Variants in CLSTN3 observed in about 807,000 individuals in gnomAD.
The protein encoded by CLSTN3 is calsyntenin 3.
Under a neutral mutation model 95.9 loss-of-function variants are expected in CLSTN3, and 36 were observed. That is an observed-to-expected ratio of 0.38 (90% confidence interval 0.29 to 0.50). The LOEUF (loss-of-function observed/expected upper bound fraction) is 0.50, where lower values mean the gene tolerates loss of function less well. CLSTN3 is among the 20% of genes least tolerant of loss of function. The pLI is 0.95. For missense variants in CLSTN3, 1,084 were observed against 1,268.8 expected (o/e 0.85, Z 2.21); for synonymous variants, 481 against 504.0 (o/e 0.95, Z 0.61).
At position 7,158,494 on chromosome 12, in the gene CLSTN3, T is replaced by A. The variant is rs1301832082; in HGVS notation, c.*413T>A. 6.3e-6 allele frequency: 1 copy of A among 159,462 alleles called. No homozygotes were observed. Among genetic ancestry groups the A allele is most frequent in the Non-Finnish European group, 1.4e-5 (1 of 72,772 alleles). The allele number at this position is 159,462 out of a possible 1,614,324, so 9.9% of individuals were successfully genotyped here. ...CCCCTTCCCTTCTCTCTCCTGTCCA[T>A]GGGAAGCTTTTCCCCCTCTGCAGGG... On this transcript the variant is annotated 3_prime_UTR_variant, in exon 18 of 18. Coordinates refer to ENST00000266546, the MANE Select transcript of CLSTN3 (RefSeq NM_014718.4).
chr12:7,148,897 G>A, intron 12 of CLSTN3, 75 bp from the exon 13 acceptor site: 2 of 1,237,738 alleles, frequency 1.6e-6, no homozygotes, highest in South Asian at 1.3e-5. Context: ...GCTGGGGCGG[G>A]GAGTGAAACA....
chr12:7,149,114 G>A lies in CLSTN3; in HGVS notation c.1990G>A (p.Val664Ile), dbSNP rs200290008. ...PAVDFEGTNG[V>I]PLFPDLQITC... ...TGTGGACTTTGAGGGAACCAACGGC[G>A]TCCCTTTGTTCCCTGATCTTCAAAT... The change falls in exon 13 of 18, where the codon GTC (valine) becomes ATC (isoleucine). Residue 664 changes from valine to isoleucine, a missense_variant. Coordinates refer to ENST00000266546, the MANE Select transcript of CLSTN3 (RefSeq NM_014718.4). The surrounding 1 kb of genome is among the most constrained non-coding windows in gnomAD (Gnocchi z 4.5). 75 of 1,614,190 alleles carry A rather than the reference G, an allele frequency of 4.6e-5. No homozygotes were observed. Among genetic ancestry groups the A allele is most frequent in the Middle Eastern group, 3.3e-4 (2 of 6,062 alleles).
At position 7,137,610 on chromosome 12, in the gene CLSTN3, A is replaced by T. The variant is rs1221623845; in HGVS notation, c.1211-345A>T. Among the ~76,000 whole-genome samples, 1 of 151,246 alleles carries T rather than the reference A, an allele frequency of 6.6e-6. No homozygotes were observed. Among genetic ancestry groups the T allele is most frequent in the Non-Finnish European group, 1.5e-5 (1 of 67,818 alleles). On this transcript the variant is annotated intron_variant, in intron 7 of 17. Transcript: ENST00000266546. This position sits in a 1 kb window ranked among gnomAD's most constrained non-coding sequence, Gnocchi z 4.4. The stretch of plus-strand genomic sequence containing the variant: ...AACCTCATTTCTCTTGACCTTGACA[A>T]CTCTTTTGAAAAGGGTTGTCACCCA...
rs1939702594 is a variant in CLSTN3 at position 7,150,413 on chromosome 12, C to T, written c.2246-131C>T. The T allele has an allele frequency of 9.4e-7, 1 of 1,065,760 alleles. No individual in the cohort carries two copies. Among genetic ancestry groups the T allele is most frequent in the South Asian group, 1.8e-5 (1 of 55,322 alleles). 66.0% of individuals were successfully genotyped at this position (1,065,760 alleles called of 1,614,324 possible). ...CATCCCTCCCTTCGACCTCAGGTCG[C>T]ACTTCTGCGGAGATGGGGCTGACCT... On this transcript the variant is annotated intron_variant, in intron 14 of 17. Transcript: ENST00000266546. The surrounding 1 kb of genome is among the most constrained non-coding windows in gnomAD (Gnocchi z 4.0).
At position 7,148,958 on chromosome 12, in the gene CLSTN3, G is replaced by A; in HGVS notation, c.1848-14G>A. 6.2e-7 allele frequency: 1 copy of A among 1,610,748 alleles called. No homozygotes were observed. On this transcript the variant is annotated splice_polypyrimidine_tract_variant and intron_variant, in intron 12 of 17. Transcript: ENST00000266546. ...GTTGGGGTCACATGCTGCTTCTCCT[G>A]CTTTCTTACATAGGTGCTTCAGCGA...
Position 7,133,806 on chromosome 12 carries a change from G to A in CLSTN3, c.383+38G>A, listed in dbSNP as rs745956586. The A allele has an allele frequency of 2.7e-6, 4 of 1,501,060 alleles. No individual in the cohort carries two copies. Among genetic ancestry groups the A allele is most frequent in the Non-Finnish European group, 3.6e-6 (4 of 1,117,574 alleles). The allele number at this position is 1,501,060 out of a possible 1,614,324, so 93.0% of individuals were successfully genotyped here. The stretch of plus-strand genomic sequence containing the variant: ...TTGTCTCCTGCCCCATGTGTTGCAG[G>A]GTCCTCCTCCCTGCTCCCAAGCCCA... On this transcript the variant is annotated intron_variant, in intron 3 of 17. Transcript: ENST00000266546. The surrounding 1 kb of genome is among the most constrained non-coding windows in gnomAD (Gnocchi z 4.7).
At chr12:7,135,683 CT>C (rs1215748377) in intron 4 of CLSTN3, 120 bp from the exon 5 acceptor site, 19 of 1,402,364 alleles carry the variant, frequency 1.4e-5, no homozygotes, top group Admixed American at 2.0e-5. Context: ...TCCCAGATGC[CT>C]TTTTTCCCAG....
At chr12:7,130,286 C>G (rs1012987339), upstream of CLSTN3, 2 of 807,870 alleles carry the variant, frequency 2.5e-6, no homozygotes, top group African/African-American at 3.6e-5. Context: ...GGCTCCCTCC[C>G]CCGCTGCAGC....
chr12:7,148,156 A>AAAAGAAAGAAAGAAAGAAAGAAAGAAAG (rs55677407), intron 12 of CLSTN3, among the ~76,000 whole-genome samples: 17 of 135,402 alleles, frequency 1.3e-4, no homozygotes, highest in Non-Finnish European at 1.9e-4. Flanking sequence ...AACTCCATCA[A>AAAAGAAAGAAAGAAAGAAAGAAAGAAAG]AAAGAAAGAA....
chr12:7,131,717 C>A (rs1939305665), intron 1 of CLSTN3: 1 of 452,656 alleles, frequency 2.2e-6, no homozygotes, highest in Non-Finnish European at 4.4e-6. Context: ...GCTCTCTCTT[C>A]CTTGCCTGCA....
intron 3 of CLSTN3, among the ~76,000 whole-genome samples, chr12:7,134,292 T>C (rs187153073): frequency 5.3e-5 from 8 of 152,322 alleles, no homozygotes; most frequent in African/African-American, 1.9e-4. Flanking sequence ...CATACACATA[T>C]AGCTCTAGGT....
Position 7,150,812 on chromosome 12 carries a change from C to G in CLSTN3, c.2392-116C>G. On this transcript the variant is annotated intron_variant, in intron 15 of 17. Coordinates refer to ENST00000266546, the MANE Select transcript of CLSTN3 (RefSeq NM_014718.4). This position sits in a 1 kb window ranked among gnomAD's most constrained non-coding sequence, Gnocchi z 4.0. ...CAGCGTGGAGGGCTGCTGGACCTTG[C>G]AGTGGGTGGAGGAGAAGGAGATGGG... 2 of 1,548,996 alleles carry G rather than the reference C, an allele frequency of 1.3e-6. No homozygotes were observed. Among genetic ancestry groups the G allele is most frequent in the South Asian group, 2.4e-5 (2 of 81,974 alleles).
At position 7,133,795 on chromosome 12, in the gene CLSTN3, A is replaced by G; in HGVS notation, c.383+27A>G. ...TGAGGAAGTCCTTGTCTCCTGCCCC[A>G]TGTGTTGCAGGGTCCTCCTCCCTGC... On this transcript the variant is annotated intron_variant, in intron 3 of 17. Coordinates refer to ENST00000266546, the MANE Select transcript of CLSTN3 (RefSeq NM_014718.4). This position sits in a 1 kb window ranked among gnomAD's most constrained non-coding sequence, Gnocchi z 4.7. 6.5e-7 allele frequency: 1 copy of G among 1,531,654 alleles called. No homozygotes were observed. Among genetic ancestry groups the G allele is most frequent in the Non-Finnish European group, 8.8e-7 (1 of 1,140,370 alleles). 94.9% of individuals were successfully genotyped at this position (1,531,654 alleles called of 1,614,324 possible).
intron 12 of CLSTN3, among the ~76,000 whole-genome samples, chr12:7,145,368 T>C (rs1005810712): frequency 2.0e-5 from 3 of 148,116 alleles, no homozygotes; most frequent in African/African-American, 5.0e-5. Context: ...TGTGTGTGTG[T>C]GTGCGCGCGC....
Position 7,137,803 on chromosome 12 carries a change from A to G in CLSTN3, c.1211-152A>G, listed in dbSNP as rs1043035410. 5 of 449,796 alleles carry G rather than the reference A, an allele frequency of 1.1e-5. No homozygotes were observed. Among genetic ancestry groups the G allele is most frequent in the Non-Finnish European group, 2.0e-5 (5 of 250,328 alleles). 27.9% of individuals were successfully genotyped at this position (449,796 alleles called of 1,614,324 possible). ...GTGTGTGTGTGTGTGTGTGAGAGAG[A>G]GAGAGAGAGAGAGAGAGAGGAAAGA... On this transcript the variant is annotated intron_variant, in intron 7 of 17. Transcript: ENST00000266546. This position sits in a 1 kb window ranked among gnomAD's most constrained non-coding sequence, Gnocchi z 4.4.
At chr12:7,129,708 C>T (rs1939241730), upstream of CLSTN3, 2 of 985,560 alleles carry the variant, frequency 2.0e-6, no homozygotes, top group Non-Finnish European at 2.4e-6. The surrounding 1 kb of genome is among the most constrained non-coding windows in gnomAD (Gnocchi z 5.5). Context: ...AATTCTCTCT[C>T]GAACCTGCCA....
chr12:7,158,023 C>T lies in CLSTN3; in HGVS notation c.2813C>T (p.Ala938Val). 2.6e-6 allele frequency: 4 copies of T among 1,550,614 alleles called. No homozygotes were observed. Among genetic ancestry groups the T allele is most frequent in the Non-Finnish European group, 3.5e-6 (4 of 1,146,448 alleles). ...EDEDSSDSEVADSPSSDERRI... is the reference protein window; with the variant it reads ...EDEDSSDSEVVDSPSSDERRI... The stretch of plus-strand genomic sequence containing the variant: ...GAGGACAGCAGTGACTCGGAGGTGG[C>T]CGATTCCCCCAGCAGCGACGAGAGA... Residue 938 changes from alanine to valine, a missense_variant, in exon 18 of 18, where the codon GCC becomes GTC. By Grantham distance (64) the Ala-to-Val change is moderately conservative. Transcript: ENST00000266546.
intron 1 of CLSTN3, 46 bp from the exon 2 acceptor site, chr12:7,132,978 G>T (rs368363366): frequency 3.7e-6 from 6 of 1,611,216 alleles, no homozygotes; most frequent in Non-Finnish European, 5.1e-6. Context: ...GGGAGTAGAG[G>T]CCCTGCTCAC....
Position 7,133,968 on chromosome 12 carries a change from A to T in CLSTN3, c.383+200A>T. The T allele has an allele frequency of 2.0e-6, 1 of 492,152 alleles. No individual in the cohort carries two copies. Among genetic ancestry groups the T allele is most frequent in the Non-Finnish European group, 3.5e-6 (1 of 282,750 alleles). 30.5% of individuals were successfully genotyped at this position (492,152 alleles called of 1,614,324 possible). On this transcript the variant is annotated intron_variant, in intron 3 of 17. Coordinates refer to ENST00000266546, the MANE Select transcript of CLSTN3 (RefSeq NM_014718.4). The surrounding 1 kb of genome is among the most constrained non-coding windows in gnomAD (Gnocchi z 4.7). ...GTGACAGAAACGTATAGTAGAGTTCAGTGGATCTAATCTTGGCTTTGCCTC... is the reference window on the plus strand; with the variant it reads ...GTGACAGAAACGTATAGTAGAGTTCTGTGGATCTAATCTTGGCTTTGCCTC...
Sources: gnomAD v4.1 joint callset for allele counts (sites outside exome capture counted in the v4.1 genomes callset) on GRCh38, gnomAD v4.1.1 for gene constraint, Gnocchi (gnomAD v3.1) non-coding constraint, MANE v1.5 for transcripts, NCBI Gene and HGNC (gene_info 2026-07-23, HGNC 2026-07-21) for gene names.